NIPSNAP1: variants seen among roughly 807,000 people sequenced by gnomAD.
The protein encoded by NIPSNAP1 is protein NipSnap homolog 1.
A neutral mutation model predicts 49.2 loss-of-function variants in NIPSNAP1; 25 were observed. The ratio of observed to expected loss-of-function variants is 0.51; its 90% CI spans 0.37 to 0.71. The LOEUF (loss-of-function observed/expected upper bound fraction) is 0.71. Ranked by LOEUF, NIPSNAP1 falls within the 30% of genes least tolerant of loss-of-function variation. The pLI, the probability that NIPSNAP1 is intolerant of heterozygous loss-of-function variation, is 0.00. For synonymous variants in NIPSNAP1, 143 were observed against 140.7 expected, an observed-to-expected ratio of 1.02 and a Z score of -0.12; for missense variants, 294 against 361.0, an observed-to-expected ratio of 0.81 and a Z score of 1.50.
Position 29,561,624 on chromosome 22 carries a change from T to A in NIPSNAP1, c.461A>T (p.Glu154Val). The A allele has an allele frequency of 6.8e-6, 11 of 1,613,936 alleles. No individual in the cohort carries two copies. Among genetic ancestry groups the A allele is most frequent in the Non-Finnish European group, 8.5e-6 (10 of 1,179,982 alleles). The change falls in exon 6 of 10, where the codon GAG (glutamate) becomes GTG (valine). Residue 154 changes from glutamate to valine, a missense_variant. Physicochemically the swap from Glu to Val is moderately radical, Grantham distance 121 (BLOSUM62 -2). This residue lies in a region of NIPSNAP1 where 146 missense variants were observed against 219.9 expected (regional missense o/e 0.66). Coordinates refer to ENST00000216121, the MANE Select transcript of NIPSNAP1 (RefSeq NM_003634.4). ...CCTGGACAGCAGCATCTGGCTCCGC[T>A]CCCTTCGGAACTCCAGGTACTCCTG... ...NNKEYLEFRR[E>V]RSQMLLSRRN...
chr22:29,564,647 C>G (rs1006438262), intron 4 of NIPSNAP1, among the ~76,000 whole-genome samples: 1 of 151,882 alleles, frequency 6.6e-6, no homozygotes, highest in Non-Finnish European at 1.5e-5. Flanking sequence ...CTCCTGACCT[C>G]AGGTGATGCA....
intron 5 of NIPSNAP1, 52 bp downstream of exon 5, chr22:29,561,740 G>A (rs2064337316): frequency 1.9e-6 from 3 of 1,612,542 alleles, no homozygotes; most frequent in Admixed American, 1.7e-5. Context: ...CCAGAACAGG[G>A]CTGGGCTGCA....
intron 1 of NIPSNAP1, among the ~76,000 whole-genome samples, chr22:29,572,785 T>A (rs2064419563): frequency 6.6e-6 from 1 of 151,088 alleles, no homozygotes; most frequent in African/African-American, 2.4e-5. Flanking sequence ...GGCAACAGAG[T>A]GAGACTCTAT....
intron 1 of NIPSNAP1, among the ~76,000 whole-genome samples, chr22:29,575,584 C>T (rs891521618): frequency 6.6e-6 from 1 of 152,180 alleles, no homozygotes; most frequent in Non-Finnish European, 1.5e-5. Flanking sequence ...TCTCTTCCTG[C>T]TCTCTATCTT....
At chr22:29,574,146 C>T (rs563883718) in intron 1 of NIPSNAP1, among the ~76,000 whole-genome samples, 4 of 150,574 alleles carry the variant, frequency 2.7e-5, no homozygotes, top group East Asian at 2.0e-4. Flanking sequence ...CCTGTAGTCC[C>T]AGCTACTCGA....
At chr22:29,563,138 T>C (rs2146605178) in intron 4 of NIPSNAP1, among the ~76,000 whole-genome samples, 1 of 149,444 alleles carries the variant, frequency 6.7e-6, no homozygotes, top group Non-Finnish European at 1.5e-5. Flanking sequence ...TGGTGGCACA[T>C]GCCTATAATC....
rs117691471 is a variant in NIPSNAP1 at position 29,559,162 on chromosome 22, C to T, written c.707-209G>A. On this transcript the variant is annotated intron_variant, in intron 8 of 9. Coordinates refer to ENST00000216121, the MANE Select transcript of NIPSNAP1 (RefSeq NM_003634.4). ...TATTGCCTACATTTATATTTCTAGT[C>T]GCAAACACTCCCAAGGGCTCCAGAC... is the stretch of plus-strand genomic sequence containing the variant. Among the ~76,000 whole-genome samples, 1,391 of 152,302 alleles carry T rather than the reference C, an allele frequency of 9.1e-3. 9 individuals are homozygous for T. The highest frequency in any genetic ancestry group is 0.012 in the African/African-American group (509 of 41,558).
chr22:29,559,017 G>A (rs891926701), intron 8 of NIPSNAP1, 64 bp from the exon 9 acceptor site: 2 of 1,222,460 alleles, frequency 1.6e-6, no homozygotes, highest in African/African-American at 3.0e-5. Context: ...CCAGCACAGG[G>A]CCCTCTTCCC....
In NIPSNAP1 at chr22:29,561,293, C is replaced by A. The variant is rs189514803; in HGVS notation, c.580-91G>T. 77 of 1,526,420 alleles carry A rather than the reference C, an allele frequency of 5.0e-5. No individual in the cohort carries two copies. The Admixed American group carries it at 9.1e-4, about 18-fold the overall frequency. The allele number at this position is 1,526,420 out of a possible 1,614,324, so 94.6% of individuals were successfully genotyped here. The stretch of plus-strand genomic sequence containing the variant: ...GCAAGGAAGGGAAACTGCCCTGTCT[C>A]CCCACCTCCCAAGCTGCAGCGGCCA... On this transcript the variant is annotated intron_variant, in intron 6 of 9. Coordinates refer to ENST00000216121, the MANE Select transcript of NIPSNAP1 (RefSeq NM_003634.4).
chr22:29,556,737 G>T (rs180931803), intron 9 of NIPSNAP1, among the ~76,000 whole-genome samples: 8 of 152,136 alleles, frequency 5.3e-5, no homozygotes, highest in Admixed American at 3.3e-4. Flanking sequence ...GGAAGCCTGC[G>T]ATTTGTTATT....
At chr22:29,556,821 C>T (rs1329563906) in intron 9 of NIPSNAP1, among the ~76,000 whole-genome samples, 1 of 152,172 alleles carries the variant, frequency 6.6e-6, no homozygotes, top group East Asian at 1.9e-4. Flanking sequence ...ACTATCTCGG[C>T]TCACTGCAAC....
intron 1 of NIPSNAP1, among the ~76,000 whole-genome samples, chr22:29,574,710 CGGA>C (rs1190573740): frequency 7.0e-6 from 1 of 143,488 alleles, no homozygotes; most frequent in African/African-American, 2.6e-5. Flanking sequence ...ACCCGGGAGG[CGGA>C]GGTTGCAGTG....
At chr22:29,562,868 G>A (rs1346957379) in intron 4 of NIPSNAP1, among the ~76,000 whole-genome samples, 1 of 152,038 alleles carries the variant, frequency 6.6e-6, no homozygotes, top group East Asian at 1.9e-4. Context: ...GGGAGGCTGA[G>A]GAAGGTGGAT....
intron 5 of NIPSNAP1, 42 bp from the exon 6 acceptor site, chr22:29,561,688 C>T (rs951713221): frequency 1.2e-6 from 2 of 1,614,128 alleles, no homozygotes; most frequent in South Asian, 1.1e-5. Flanking sequence ...AGGAAGTGCG[C>T]TCCATCCTGA....
chr22:29,570,614 C>T (rs1422546351), intron 1 of NIPSNAP1, 82 bp from the exon 2 acceptor site: 30 of 1,537,338 alleles, frequency 2.0e-5, no homozygotes, highest in Non-Finnish European at 2.4e-5. Context: ...TCCTGCTCCC[C>T]TAGACCAGTG....
chr22:29,560,340 C>T (rs1248760356), intron 8 of NIPSNAP1, among the ~76,000 whole-genome samples: 3 of 152,010 alleles, frequency 2.0e-5, no homozygotes, highest in Non-Finnish European at 2.9e-5. Context: ...CTCCACCTCC[C>T]GGGTTCAACT....
At chr22:29,574,507 G>A (rs1402492507) in intron 1 of NIPSNAP1, among the ~76,000 whole-genome samples, 7 of 151,878 alleles carry the variant, frequency 4.6e-5, no homozygotes, top group East Asian at 1.9e-4. Context: ...AGCCTGGTGC[G>A]GTGGCTCATG....
At chr22:29,561,335 G>T in intron 6 of NIPSNAP1, 133 bp from the exon 7 acceptor site, 1 of 1,421,910 alleles carries the variant, frequency 7.0e-7, no homozygotes, top group Non-Finnish European at 9.9e-7. Flanking sequence ...CTCATTCGCA[G>T]GCCCTGACAC....
chr22:29,581,048 G>A lies in NIPSNAP1; in HGVS notation c.35C>T (p.Ala12Val), dbSNP rs549356766. Residue 12 changes from alanine (A) to valine (V), a missense_variant, in exon 1 of 10, where the codon GCG (alanine) becomes GTG (valine). Ala to Val is a moderately conservative substitution (Grantham distance 64). Transcript: ENST00000216121. ...APRLCSISVT[A>V]RRLLGGPGPR... ...CCCCGGGCCCCCCAGCAGCCGCCGC[G>A]CCGTCACAGAGATGCTGCACAGCCG... The A allele has an allele frequency of 3.8e-4, 588 of 1,539,638 alleles. 8 individuals carry two copies. In the South Asian group the frequency reaches 6.6e-3, roughly 17 times the overall value.
Sources: gnomAD v4.1 joint callset for allele counts (sites outside exome capture counted in the v4.1 genomes callset) on GRCh38, gnomAD v4.1.1 for gene constraint, gnomAD v4.1.1 regional missense constraint, MANE v1.5 for transcripts, NCBI Gene and HGNC (gene_info 2026-07-23, HGNC 2026-07-21) for gene names.